Variants in INPP5D observed in about 807,000 individuals in gnomAD.
The protein encoded by INPP5D is phosphatidylinositol 3,4,5-trisphosphate 5-phosphatase 1.
INPP5D carries 33 observed loss-of-function variants against 122.9 expected under a neutral mutation model. The observed-to-expected ratio is 0.27, with a 90% CI of 0.20 to 0.36. The LOEUF (loss-of-function observed/expected upper bound fraction) is 0.36, where lower values mean the gene tolerates loss of function less well. Among genes scored for constraint, INPP5D ranks in the 10% least tolerant of loss-of-function variants. The pLI, the probability that INPP5D is intolerant of heterozygous loss-of-function variation, is 1.00. For synonymous variants in INPP5D, 584 were observed against 576.2 expected, an observed-to-expected ratio of 1.01 and a Z score of -0.19; for missense variants, 1,053 against 1,412.7, an observed-to-expected ratio of 0.75 and a Z score of 4.08.
intron 2 of INPP5D, among the ~76,000 whole-genome samples, chr2:233,117,450 A>G (rs1169748182): frequency 1.3e-5 from 2 of 152,050 alleles, no homozygotes; most frequent in Non-Finnish European, 2.9e-5. Context: ...CCGCAGCCAG[A>G]TGAGAGGAAA....
intron 2 of INPP5D, among the ~76,000 whole-genome samples, chr2:233,083,099 C>T (rs868551409): frequency 2.8e-4 from 42 of 152,226 alleles, no homozygotes; most frequent in African/African-American, 9.6e-5. Context: ...ACTCCATTCC[C>T]GGCTGGGATC....
chr2:233,174,846 C>G (rs1017171368), intron 17 of INPP5D, among the ~76,000 whole-genome samples: 3 of 146,420 alleles, frequency 2.0e-5, no homozygotes, highest in Non-Finnish European at 3.0e-5. Context: ...TCAATGAAAA[C>G]TAAAAATGCA....
intron 1 of INPP5D, among the ~76,000 whole-genome samples, chr2:233,065,420 A>T (rs1691186420): frequency 1.4e-5 from 2 of 142,064 alleles, no homozygotes; most frequent in Admixed American, 7.5e-5. Flanking sequence ...CAATTCTCCT[A>T]CTTCAGCCCT....
At chr2:233,125,724 C>A in intron 3 of INPP5D, 21 bp from the exon 4 acceptor site, 1 of 1,603,970 alleles carries the variant, frequency 6.2e-7, no homozygotes, top group Non-Finnish European at 8.5e-7. Flanking sequence ...TCACCAATGG[C>A]CTTCCTGCTG....
chr2:233,166,245 T>C (rs1343507828), intron 13 of INPP5D, among the ~76,000 whole-genome samples: 1 of 152,144 alleles, frequency 6.6e-6, no homozygotes, highest in Admixed American at 6.5e-5. Context: ...GTGCAGAATA[T>C]GCTCGGACCT....
At chr2:233,151,131 A>G (rs145640497) in intron 9 of INPP5D, among the ~76,000 whole-genome samples, 14,855 of 152,042 alleles carry the variant, frequency 0.098, 1,030 homozygotes, top group East Asian at 0.31. Flanking sequence ...GATGGGTGAA[A>G]GAGCTAAACT....
chr2:233,109,413 C>A (rs764661740), intron 2 of INPP5D, among the ~76,000 whole-genome samples: 1 of 152,160 alleles, frequency 6.6e-6, no homozygotes, highest in African/African-American at 2.4e-5. Context: ...TGTAATTGAC[C>A]TTTTTATTAT....
chr2:233,097,510 T>C (rs1559289272), intron 2 of INPP5D, among the ~76,000 whole-genome samples: 1 of 152,234 alleles, frequency 6.6e-6, no homozygotes, highest in Non-Finnish European at 1.5e-5. Context: ...ATATCTTTTT[T>C]CTGCTTTCTC....
intron 2 of INPP5D, among the ~76,000 whole-genome samples, chr2:233,102,894 AC>A (rs1252754021): frequency 6.6e-6 from 1 of 151,628 alleles, no homozygotes; most frequent in Non-Finnish European, 1.5e-5. Context: ...CCTTCTCACT[AC>A]AAAGCCATGA....
intron 1 of INPP5D, among the ~76,000 whole-genome samples, chr2:233,071,107 C>G (rs1005002328): frequency 6.6e-6 from 1 of 150,862 alleles, no homozygotes. Flanking sequence ...AATCCTGTCT[C>G]TACTAAAGAT....
At position 233,206,914 on chromosome 2, in the gene INPP5D, C is replaced by T. The variant is rs140333035; in HGVS notation, c.*206C>T. 4.2e-4 allele frequency: 233 copies of T among 560,742 alleles called. No homozygotes were observed. In the East Asian group the frequency reaches 4.3e-3, roughly 10 times the overall value. The allele number at this position is 560,742 out of a possible 1,614,324, so 34.7% of individuals were successfully genotyped here. ...CCAAGTGCTGAGGCTGGAAGAAAAA[C>T]GCACACCAGACGGGCAACAAACAGT... On this transcript the variant is annotated 3_prime_UTR_variant, in exon 27 of 27. Transcript: ENST00000445964. This position sits in a 1 kb window ranked among gnomAD's most constrained non-coding sequence, Gnocchi z 4.0.
intron 1 of INPP5D, among the ~76,000 whole-genome samples, chr2:233,075,682 C>T (rs2106205969): frequency 6.6e-6 from 1 of 152,234 alleles, no homozygotes; most frequent in Admixed American, 6.5e-5. Context: ...CACCTTCCTC[C>T]ACCGCTTGGC....
Position 233,164,065 on chromosome 2 carries a change from T to G in INPP5D, c.1437+162T>G, listed in dbSNP as rs1574777607. 2 of 1,393,594 alleles carry G rather than the reference T, an allele frequency of 1.4e-6. No individual in the cohort carries two copies. The highest frequency in any genetic ancestry group is 5.0e-5 in the East Asian group (2 of 39,914). The allele number at this position is 1,393,594 out of a possible 1,614,324, so 86.3% of individuals were successfully genotyped here. ...CGTCTGTATTCAGAAATAAATGGGA[T>G]CTGTGGGGTATTGCTGAAAACCACT... On this transcript the variant is annotated intron_variant, in intron 12 of 26. Transcript: ENST00000445964. The surrounding 1 kb of genome is among the most constrained non-coding windows in gnomAD (Gnocchi z 4.3).
chr2:233,068,593 TA>T (rs532505071), intron 1 of INPP5D, among the ~76,000 whole-genome samples: 68 of 147,852 alleles, frequency 4.6e-4, no homozygotes, highest in East Asian at 1.4e-3. Flanking sequence ...AGAATCCGTC[TA>T]AAAAAAAAAA....
At chr2:233,125,663 G>T in intron 3 of INPP5D, 82 bp from the exon 4 acceptor site, 1 of 1,290,364 alleles carries the variant, frequency 7.7e-7, no homozygotes, top group South Asian at 1.4e-5. Flanking sequence ...GGGTGTCGTG[G>T]CCTGGACCCC....
intron 2 of INPP5D, among the ~76,000 whole-genome samples, chr2:233,084,810 C>G (rs1423933206): frequency 1.3e-5 from 2 of 152,228 alleles, no homozygotes; most frequent in East Asian, 1.9e-4. Flanking sequence ...CAGGGCTGCC[C>G]TGTGTGGGCT....
chr2:233,083,903 G>A (rs535052032), intron 2 of INPP5D, among the ~76,000 whole-genome samples: 5 of 152,292 alleles, frequency 3.3e-5, no homozygotes, highest in South Asian at 2.1e-4. Flanking sequence ...CCTTCCCACC[G>A]AGAGGAATAA....
chr2:233,170,195 G>A lies in INPP5D; in HGVS notation c.1791+31G>A. The stretch of plus-strand genomic sequence containing the variant: ...GGCTGCCCGCCTGGGGCTGGGGCTG[G>A]GGCTGTATGAGATGGAGGCTCCCTT... On this transcript the variant is annotated intron_variant, in intron 15 of 26. Coordinates refer to ENST00000445964, the MANE Select transcript of INPP5D (RefSeq NM_001017915.3). This position sits in a 1 kb window ranked among gnomAD's most constrained non-coding sequence, Gnocchi z 4.5. The A allele has an allele frequency of 6.2e-7, 1 of 1,605,866 alleles. No individual in the cohort carries two copies. Among genetic ancestry groups the A allele is most frequent in the Non-Finnish European group, 8.5e-7 (1 of 1,175,792 alleles).
At chr2:233,169,235 G>A in intron 13 of INPP5D, 70 bp from the exon 14 acceptor site, 1 of 1,546,512 alleles carries the variant, frequency 6.5e-7, no homozygotes, top group Non-Finnish European at 8.7e-7. Context: ...CCTGCCTTCG[G>A]GTGATTTCTG....
Sources: allele counts gnomAD v4.1 joint callset (sites outside exome capture counted in the v4.1 genomes callset), GRCh38; gene constraint gnomAD v4.1.1; non-coding constraint Gnocchi (gnomAD v3.1); transcripts MANE v1.5; gene names NCBI Gene and HGNC (gene_info 2026-07-23, HGNC 2026-07-21).